Variants in HSPB1 observed in about 807,000 individuals in gnomAD.
HSPB1 encodes heat shock protein family B (small) member 1.
HSPB1 carries 19 observed loss-of-function variants against 17.0 expected under a neutral mutation model. The observed-to-expected ratio is 1.12, with a 90% confidence interval of 0.78 to 1.64. The LOEUF (loss-of-function observed/expected upper bound fraction) is 1.64. Ranked by LOEUF, HSPB1 falls within the 40% of genes most tolerant of loss-of-function variation. The pLI is 0.00. For synonymous variants in HSPB1, 165 were observed against 129.8 expected (o/e 1.27, Z -1.84); for missense variants, 348 against 289.2 (o/e 1.20, Z -1.47).
chr7:76,303,686 A>G, intron 1 of HSPB1, 116 bp from the exon 2 acceptor site: 2 of 779,180 alleles, frequency 2.6e-6, no homozygotes, highest in Non-Finnish European at 4.5e-6. Flanking sequence ...CCCCTCTGTT[A>G]ATCCCTACCA....
Position 76,303,158 on chromosome 7 carries a change from C to A in HSPB1, c.364+82C>A, listed in dbSNP as rs28708645. ...GGGGGCGTGCGGTTGAAACGGGGGT[C>A]CCGGGGGCCTGGGGAGTTAAACGTT... is the stretch of plus-strand genomic sequence containing the variant. On this transcript the variant is annotated intron_variant, in intron 1 of 2. Coordinates refer to ENST00000248553, the MANE Select transcript of HSPB1 (RefSeq NM_001540.5). 26,084 of 1,459,518 alleles carry A rather than the reference C, an allele frequency of 0.018. 1,401 individuals are homozygous for A. In the African/African-American group the frequency reaches 0.19, roughly 11 times the overall value. 90.4% of individuals were successfully genotyped at this position (1,459,518 alleles called of 1,614,324 possible).
At position 76,304,195 on chromosome 7, in the gene HSPB1, C is replaced by T. The variant is rs557532119; in HGVS notation, c.*22C>T. On this transcript the variant is annotated 3_prime_UTR_variant, in exon 3 of 3. Transcript: ENST00000248553. ...GTAAAGCCTTAGCCCGGATGCCCAC[C>T]CCTGCTGCCGCCACTGGCTGTGCCT... 2,560 of 1,597,478 alleles carry T rather than the reference C, an allele frequency of 1.6e-3. 46 individuals are homozygous for T. The highest frequency in any genetic ancestry group is 1.2e-4 in the Non-Finnish European group (135 of 1,171,958).
chr7:76,303,107 A>G (rs1212199096), intron 1 of HSPB1, 31 bp downstream of exon 1: 4 of 1,503,618 alleles, frequency 2.7e-6, no homozygotes, highest in Admixed American at 2.1e-5. Context: ...AGGGGAGAGG[A>G]GGAGGCTAGC....
rs773864816 is a variant in HSPB1, at chr7:76,302,729, T to C, written c.17T>C (p.Val6Ala). 1.6e-5 allele frequency: 26 copies of C among 1,603,548 alleles called. No individual in the cohort carries two copies. Among genetic ancestry groups the C allele is most frequent in the Admixed American group, 5.0e-5 (3 of 59,972 alleles). Residue 6 changes from valine to alanine, a missense_variant, in exon 1 of 3, where the codon GTC becomes GCC. Coordinates refer to ENST00000248553, the MANE Select transcript of HSPB1 (RefSeq NM_001540.5). Reference sequence around the variant, plus strand: ...TCAGCCAGCATGACCGAGCGCCGCGTCCCCTTCTCGCTCCTGCGGGGCCCC... The same window carrying C: ...TCAGCCAGCATGACCGAGCGCCGCGCCCCCTTCTCGCTCCTGCGGGGCCCC... MTERRVPFSLLRGPSW... is the reference protein window; with the variant it reads MTERRAPFSLLRGPSW...
chr7:76,302,747 G>A lies in HSPB1; in HGVS notation c.35G>A (p.Arg12Gln), dbSNP rs753968064. Residue 12 changes from arginine to glutamine, a missense_variant, in exon 1 of 3, where the codon CGG becomes CAG. Arg to Gln is a conservative substitution (Grantham distance 43). Transcript: ENST00000248553. ...TERRVPFSLL[R>Q]GPSWDPFRDW... Reference sequence around the variant, plus strand: ...CGCCGCGTCCCCTTCTCGCTCCTGCGGGGCCCCAGCTGGGACCCCTTCCGC... The same window carrying A: ...CGCCGCGTCCCCTTCTCGCTCCTGCAGGGCCCCAGCTGGGACCCCTTCCGC... The A allele has an allele frequency of 1.9e-6, 3 of 1,606,086 alleles. No individual in the cohort carries two copies. The highest frequency in any genetic ancestry group is 2.2e-5 in the East Asian group (1 of 44,846).
In HSPB1 at chr7:76,302,869, G is replaced by C; in HGVS notation, c.157G>C (p.Gly53Arg). 1.3e-6 allele frequency: 2 copies of C among 1,579,158 alleles called. No individual in the cohort carries two copies. Among genetic ancestry groups the C allele is most frequent in the South Asian group, 1.1e-5 (1 of 88,034 alleles). ...SQWLGGSSWP[G>R]YVRPLPPAAI... The stretch of plus-strand genomic sequence containing the variant: ...GTGGTTAGGCGGCAGCAGCTGGCCA[G>C]GCTACGTGCGCCCCCTGCCCCCCGC... The change falls in exon 1 of 3, where the codon GGC becomes CGC. Residue 53 changes from glycine to arginine, a missense_variant. By Grantham distance (125) the Gly-to-Arg change is moderately radical. Coordinates refer to ENST00000248553, the MANE Select transcript of HSPB1 (RefSeq NM_001540.5).
At chr7:76,303,674 A>G (rs1204855661) in intron 1 of HSPB1, 128 bp from the exon 2 acceptor site, 4 of 703,166 alleles carry the variant, frequency 5.7e-6, no homozygotes, top group Non-Finnish European at 1.0e-5. Context: ...CCCATCCCCA[A>G]CCCCCTCTGT....
At position 76,302,927 on chromosome 7, in the gene HSPB1, C is replaced by T. The variant is rs1337283043; in HGVS notation, c.215C>T (p.Ala72Val). 2 of 1,545,714 alleles carry T rather than the reference C, an allele frequency of 1.3e-6. No homozygotes were observed. The highest frequency in any genetic ancestry group is 1.9e-5 in the Admixed American group (1 of 51,898). ...GAGAGCCCCGCAGTGGCCGCGCCCG[C>T]CTACAGCCGCGCGCTCAGCCGGCAA... ...AIESPAVAAPAYSRALSRQLS... is the reference protein window; with the variant it reads ...AIESPAVAAPVYSRALSRQLS... Residue 72 changes from alanine to valine, a missense_variant, in exon 1 of 3, where the codon GCC becomes GTC. Coordinates refer to ENST00000248553, the MANE Select transcript of HSPB1 (RefSeq NM_001540.5).
chr7:76,303,942 GGTGT>G (rs1471633596), intron 2 of HSPB1, 38 bp from the exon 3 acceptor site: 6 of 1,611,468 alleles, frequency 3.7e-6, no homozygotes, highest in Non-Finnish European at 5.1e-6. Context: ...GGACCCACCC[GGTGT>G]GTAATGTAAC....
chr7:76,303,713 G>C (rs1206411548), intron 1 of HSPB1, 89 bp from the exon 2 acceptor site: 2 of 1,126,280 alleles, frequency 1.8e-6, no homozygotes, highest in Admixed American at 1.7e-5. Context: ...AGTCCTGGCT[G>C]CTTCCAAGCA....
rs772767500 is a variant in HSPB1, at chr7:76,304,117, C to T, written c.562C>T (p.Arg188Trp). The T allele has an allele frequency of 1.5e-5, 25 of 1,613,114 alleles. No homozygotes were observed. The highest frequency in any genetic ancestry group is 1.9e-5 in the Non-Finnish European group (23 of 1,179,768). Reference sequence around the variant, plus strand: ...CACCATCCCAGTCACCTTCGAGTCGCGGGCCCAGCTTGGGGGCCCAGAAGC... The same window carrying T: ...CACCATCCCAGTCACCTTCGAGTCGTGGGCCCAGCTTGGGGGCCCAGAAGC... ...EITIPVTFES[R>W]AQLGGPEAAK... The change falls in exon 3 of 3, where the codon CGG becomes TGG. Residue 188 changes from arginine (R) to tryptophan (W), a missense_variant. Arg to Trp is a moderately radical substitution (Grantham distance 101). Transcript: ENST00000248553.
chr7:76,303,348 C>A, intron 1 of HSPB1: 1 of 502,090 alleles, frequency 2.0e-6, no homozygotes, highest in Non-Finnish European at 3.5e-6. Flanking sequence ...GGCAACATAG[C>A]GAGACGCGCC....
intron 1 of HSPB1, 76 bp from the exon 2 acceptor site, chr7:76,303,726 A>AGGTGGGGCCTCTGGCCT: frequency 7.7e-7 from 1 of 1,290,738 alleles, no homozygotes; most frequent in East Asian, 2.3e-5. Context: ...TCCAAGCAGG[A>AGGTGGGGCCTCTGGCCT]GGTGGGGCCT....
Position 76,303,864 on chromosome 7 carries a change from A to G in HSPB1, c.427A>G (p.Thr143Ala), listed in dbSNP as rs1201100023. Residue 143 changes from threonine to alanine, a missense_variant and splice_region_variant, in exon 2 of 3, where the codon ACG becomes GCG. By Grantham distance (58) the Thr-to-Ala change is moderately conservative. Coordinates refer to ENST00000248553, the MANE Select transcript of HSPB1 (RefSeq NM_001540.5). ...CTCCCGGTGCTTCACGCGGAAATACACGTGAGTCCTGGCGCCAGGTCGGGG... is the reference window on the plus strand; with the variant it reads ...CTCCCGGTGCTTCACGCGGAAATACGCGTGAGTCCTGGCGCCAGGTCGGGG... ...YISRCFTRKY[T>A]LPPGVDPTQV... 1 of 1,477,068 alleles carries G rather than the reference A, an allele frequency of 6.8e-7. No individual in the cohort carries two copies. The highest frequency in any genetic ancestry group is 1.7e-5 in the Admixed American group (1 of 58,496). The allele number at this position is 1,477,068 out of a possible 1,614,324, so 91.5% of individuals were successfully genotyped here.
rs1803009384 is a variant in HSPB1, at chr7:76,302,682, TGAGCAGACGTCCA to T, written c.-23_-11del. ...CCGAGCCCAGCGCCCCGCACTTTTC[TGAGCAGACGTCCA>T]GAGCAGAGTCAGCCAGCATGACCGA... On this transcript the variant is annotated 5_prime_UTR_variant, in exon 1 of 3. Transcript: ENST00000248553. 1 of 1,597,528 alleles carries T rather than the reference TGAGCAGACGTCCA, an allele frequency of 6.3e-7. No homozygotes were observed. The highest frequency in any genetic ancestry group is 1.3e-5 in the African/African-American group (1 of 74,850).
intron 1 of HSPB1, chr7:76,303,431 A>C (rs535564105): frequency 2.1e-6 from 1 of 479,192 alleles, no homozygotes; most frequent in Admixed American, 3.8e-5. Context: ...CGATGAAGAG[A>C]GAAAATGCGC....
rs377225356 is a variant in HSPB1, at chr7:76,302,683, G to A, written c.-30G>A. The A allele has an allele frequency of 2.0e-5, 32 of 1,597,566 alleles. No homozygotes were observed. In the African/African-American group the frequency reaches 3.6e-4, roughly 18 times the overall value. On this transcript the variant is annotated 5_prime_UTR_variant, in exon 1 of 3. Coordinates refer to ENST00000248553, the MANE Select transcript of HSPB1 (RefSeq NM_001540.5). ...CGAGCCCAGCGCCCCGCACTTTTCTGAGCAGACGTCCAGAGCAGAGTCAGC... is the reference window on the plus strand; with the variant it reads ...CGAGCCCAGCGCCCCGCACTTTTCTAAGCAGACGTCCAGAGCAGAGTCAGC...
In HSPB1 at chr7:76,302,791, CG is replaced by C. The variant is rs1803015507; in HGVS notation, c.80del (p.Arg27ProfsTer20). 2 of 1,608,792 alleles carry C rather than the reference CG, an allele frequency of 1.2e-6. No homozygotes were observed. The highest frequency in any genetic ancestry group is 1.7e-6 in the Non-Finnish European group (2 of 1,179,478). ...CTTCCGCGACTGGTACCCGCATAGC[CG>C]CCTCTTCGACCAGGCCTTCGGGCTG... ...DPFRDWYPHS[R>X]LFDQAFGLPR... On this transcript the variant is annotated frameshift_variant, in exon 1 of 3. Coordinates refer to ENST00000248553, the MANE Select transcript of HSPB1 (RefSeq NM_001540.5). LOFTEE classifies it high-confidence loss of function.
At chr7:76,303,293 C>T (rs1369059266) in intron 1 of HSPB1, 2 of 575,206 alleles carry the variant, frequency 3.5e-6, no homozygotes, top group Non-Finnish European at 6.0e-6. Context: ...TTTGGGAGGC[C>T]GAGACGGGAG....
Sources: allele counts gnomAD v4.1 joint callset, GRCh38; gene constraint gnomAD v4.1.1; transcripts MANE v1.5; gene names NCBI Gene and HGNC (gene_info 2026-07-23, HGNC 2026-07-21).